Variants in LTBP2 observed in about 807,000 individuals in gnomAD.
The protein encoded by LTBP2 is latent-transforming growth factor beta-binding protein 2.
Under a neutral mutation model 210.6 loss-of-function variants are expected in LTBP2, and 103 were observed. The ratio of observed to expected loss-of-function variants is 0.49; its 90% CI spans 0.42 to 0.58. The LOEUF is 0.58. Among genes scored for constraint, LTBP2 ranks in the 20% least tolerant of loss-of-function variants. The probability of loss-of-function intolerance (pLI) is 0.00; values close to 1 mark genes in which losing one functional copy is unlikely to be tolerated. For synonymous variants in LTBP2, 1,007 were observed against 1,015.0 expected (o/e 0.99, Z 0.15); for missense variants, 2,313 against 2,494.5 (o/e 0.93, Z 1.55).
At chr14:74,567,307 G>A (rs999230508) in intron 3 of LTBP2, among the ~76,000 whole-genome samples, 2 of 152,128 alleles carry the variant, frequency 1.3e-5, no homozygotes, top group Non-Finnish European at 1.5e-5. Context: ...CTTTTCCACC[G>A]AGCAGCCAGC....
intron 18 of LTBP2, among the ~76,000 whole-genome samples, chr14:74,511,593 G>C (rs900802893): frequency 1.3e-5 from 2 of 152,234 alleles, no homozygotes; most frequent in African/African-American, 4.8e-5. Flanking sequence ...GACTCCCTGG[G>C]TGGGTGCAGT....
chr14:74,564,087 TTA>T lies in LTBP2; in HGVS notation c.831-8396_831-8395del, dbSNP rs1194088935. On this transcript the variant is annotated intron_variant, in intron 3 of 35. Coordinates refer to ENST00000261978, the MANE Select transcript of LTBP2 (RefSeq NM_000428.3). ...TATATATATATATTTATATATATAT[TTA>T]TATATATATTTATATATATATTTAT... Among the ~76,000 whole-genome samples the T allele has an allele frequency of 1.1e-3, 16 of 14,356 alleles. 2 individuals carry two copies. Among genetic ancestry groups the T allele is most frequent in the African/African-American group, 1.6e-3 (5 of 3,190 alleles). The allele number at this position is 14,356 out of a possible 152,430, so 9.4% of individuals were successfully genotyped here.
At position 74,508,008 on chromosome 14, in the gene LTBP2, C is replaced by T. The variant is rs757079340; in HGVS notation, c.3740G>A (p.Gly1247Asp). Residue 1247 changes from glycine (G) to aspartate (D), a missense_variant, in exon 25 of 36, where the codon GGC becomes GAC. Physicochemically the swap from Gly to Asp is moderately conservative, Grantham distance 94. Coordinates refer to ENST00000261978, the MANE Select transcript of LTBP2 (RefSeq NM_000428.3). ...TCCACTCTCTGGGGAGGGCTGGAAG[C>T]CAGTCTCACATAGACAGTTGAAGGA... Reference protein sequence around the residue: ...EGSFNCLCETGFQPSPESGEC... With the variant: ...EGSFNCLCETDFQPSPESGEC... 9.3e-6 allele frequency: 15 copies of T among 1,613,788 alleles called. No individual in the cohort carries two copies. The South Asian group carries it at 1.6e-4, about 18-fold the overall frequency.
At chr14:74,565,558 G>C (rs1325105094) in intron 3 of LTBP2, among the ~76,000 whole-genome samples, 2 of 152,200 alleles carry the variant, frequency 1.3e-5, no homozygotes, top group Non-Finnish European at 2.9e-5. Flanking sequence ...GGAGTTCCAA[G>C]AGCCAAGATC....
chr14:74,592,947 T>C lies in LTBP2; in HGVS notation c.566-6829A>G, dbSNP rs191753864. Among the ~76,000 whole-genome samples the C allele has an allele frequency of 1.6e-3, 244 of 152,230 alleles. 3 individuals are homozygous for C. Among genetic ancestry groups the C allele is most frequent in the Non-Finnish European group, 2.5e-3 (168 of 68,006 alleles). On this transcript the variant is annotated intron_variant, in intron 2 of 35. Transcript: ENST00000261978. ...ATTTGGGCTCCTCCAGGACCCTTTC[T>C]TTTCCACACCCCCCTGGCCCGCTCT...
At chr14:74,528,725 A>G (rs2087310720) in intron 11 of LTBP2, 27 bp from the exon 12 acceptor site, 1 of 1,606,842 alleles carries the variant, frequency 6.2e-7, no homozygotes, top group African/African-American at 1.3e-5. Flanking sequence ...CAGAGGACAA[A>G]CTGAGAGGTG....
chr14:74,556,075 C>T (rs112265740), intron 3 of LTBP2, among the ~76,000 whole-genome samples: 49 of 152,270 alleles, frequency 3.2e-4, no homozygotes, highest in African/African-American at 1.1e-3. Flanking sequence ...GCCCTAAAAC[C>T]AAGTCCTGTA....
At chr14:74,523,027 CA>C in intron 15 of LTBP2, 109 bp from the exon 16 acceptor site, 1 of 1,340,528 alleles carries the variant, frequency 7.5e-7, no homozygotes, top group Non-Finnish European at 1.0e-6. Flanking sequence ...CTCAGAAGGC[CA>C]ACCTTAGCCA....
At chr14:74,588,290 C>T (rs1186744090) in intron 2 of LTBP2, among the ~76,000 whole-genome samples, 2 of 152,132 alleles carry the variant, frequency 1.3e-5, no homozygotes, top group East Asian at 1.9e-4. Context: ...GACGCGATCT[C>T]GGCTCACCAC....
chr14:74,584,953 G>A (rs1419533191), intron 3 of LTBP2, among the ~76,000 whole-genome samples: 2 of 152,174 alleles, frequency 1.3e-5, no homozygotes, highest in Non-Finnish European at 2.9e-5. Context: ...CTCTGAAAGA[G>A]CAAATCCTCT....
At chr14:74,578,271 C>T (rs763595428) in intron 3 of LTBP2, among the ~76,000 whole-genome samples, 2 of 152,126 alleles carry the variant, frequency 1.3e-5, no homozygotes, top group Admixed American at 6.5e-5. Context: ...GGCAGGTAGG[C>T]CAAGAGATTT....
chr14:74,536,754 G>C (rs2139728255), intron 8 of LTBP2, among the ~76,000 whole-genome samples: 1 of 152,330 alleles, frequency 6.6e-6, no homozygotes, highest in East Asian at 1.9e-4. Context: ...GCTGAGGCAG[G>C]AGACTCGCTT....
chr14:74,524,452 T>G (rs2087245867), intron 15 of LTBP2, among the ~76,000 whole-genome samples: 1 of 151,360 alleles, frequency 6.6e-6, no homozygotes, highest in Non-Finnish European at 1.5e-5. Flanking sequence ...AGTCGTAAGG[T>G]TAAGAGAGCA....
chr14:74,511,328 T>A lies in LTBP2; in HGVS notation c.2945A>T (p.Asp982Val). Reference protein sequence around the residue: ...NECRHPGTCPDGRCVNSPGSY... With the variant: ...NECRHPGTCPVGRCVNSPGSY... ...GCCAGGGGAATTGACGCATCTCCCATCAGGGCAGGTACCGGGGTGACGGCA... is the reference window on the plus strand; with the variant it reads ...GCCAGGGGAATTGACGCATCTCCCAACAGGGCAGGTACCGGGGTGACGGCA... Residue 982 changes from aspartate (D) to valine (V), a missense_variant, in exon 19 of 36, where the codon GAT becomes GTT. Around this residue, in one of 3 missense-constraint regions of LTBP2, gnomAD observed 1,867 missense variants for 1,976.9 expected, o/e 0.94. Transcript: ENST00000261978. 6.2e-7 allele frequency: 1 copy of A among 1,614,072 alleles called. No homozygotes were observed. The highest frequency in any genetic ancestry group is 8.5e-7 in the Non-Finnish European group (1 of 1,180,008).
intron 4 of LTBP2, among the ~76,000 whole-genome samples, chr14:74,555,221 C>T (rs1452543194): frequency 2.0e-5 from 3 of 151,718 alleles, no homozygotes; most frequent in African/African-American, 4.8e-5. Flanking sequence ...AGGTTCACAG[C>T]GGGATATGAG....
intron 3 of LTBP2, among the ~76,000 whole-genome samples, chr14:74,561,174 C>T (rs570313243): frequency 5.2e-4 from 79 of 152,000 alleles, no homozygotes; most frequent in Non-Finnish European, 9.9e-4. Context: ...AAAAATTAGC[C>T]GGGCGTGGTG....
intron 3 of LTBP2, among the ~76,000 whole-genome samples, chr14:74,566,582 C>T (rs918490681): frequency 2.0e-5 from 3 of 152,188 alleles, no homozygotes; most frequent in African/African-American, 4.8e-5. Flanking sequence ...AGGCCCTTGG[C>T]TGCCAAACCC....
At chr14:74,553,923 CGT>C (rs34143485) in intron 4 of LTBP2, among the ~76,000 whole-genome samples, 41,548 of 130,350 alleles carry the variant, frequency 0.32, 7,648 homozygotes, top group Non-Finnish European at 0.43. Flanking sequence ...AGCGGAGAAA[CGT>C]GTGTGTGTGT....
chr14:74,560,925 T>C (rs147510493), intron 3 of LTBP2, among the ~76,000 whole-genome samples: 222 of 152,334 alleles, frequency 1.5e-3, no homozygotes, highest in African/African-American at 4.9e-3. Flanking sequence ...TGAACATCCA[T>C]GAATTTTGGT....
Sources: gnomAD v4.1 joint callset for allele counts (sites outside exome capture counted in the v4.1 genomes callset) on GRCh38, gnomAD v4.1.1 for gene constraint, gnomAD v4.1.1 regional missense constraint, MANE v1.5 for transcripts, NCBI Gene and HGNC (gene_info 2026-07-23, HGNC 2026-07-21) for gene names.